The following BCCIP variants were observed in gnomAD, a reference collection of about 807,000 sequenced individuals.
BCCIP encodes the protein BRCA2 and CDKN1A interacting protein, also known as BRCA2 and CDKN1A-interacting protein.
BCCIP carries 23 observed loss-of-function variants against 32.8 expected under a neutral mutation model. That is an observed-to-expected ratio of 0.70 (90% confidence interval 0.51 to 0.99). The LOEUF (loss-of-function observed/expected upper bound fraction) is 0.99, where lower values mean the gene tolerates loss of function less well. Ranked by LOEUF, BCCIP falls within the 50% of genes least tolerant of loss-of-function variation. The pLI is 0.00. For missense variants in BCCIP, 378 were observed against 379.8 expected (o/e 1.00, Z 0.04); for synonymous variants, 144 against 137.6 (o/e 1.05, Z -0.33).
chr10:125,850,693 G>A (rs1212360263), intron 7 of BCCIP, among the ~76,000 whole-genome samples: 1 of 152,140 alleles, frequency 6.6e-6, no homozygotes, highest in Non-Finnish European at 1.5e-5. Flanking sequence ...GTTTTCATGA[G>A]GCGTTGCCTT....
intron 6 of BCCIP, 93 bp from the exon 7 acceptor site, chr10:125,836,011 A>G: frequency 8.7e-7 from 1 of 1,149,314 alleles, no homozygotes; most frequent in Middle Eastern, 2.1e-4. Flanking sequence ...TTATTTAAGC[A>G]TATGCCAAAC....
In BCCIP at chr10:125,851,920, CAA is replaced by C. The variant is rs56380138; in HGVS notation, c.851-1185_851-1184del. Among the ~76,000 whole-genome samples, 633 of 86,742 alleles carry C rather than the reference CAA, an allele frequency of 7.3e-3. 5 individuals are homozygous for C. The highest frequency in any genetic ancestry group is 0.018 in the African/African-American group (411 of 22,316). 56.9% of individuals were successfully genotyped at this position (86,742 alleles called of 152,430 possible). ...TGAGCAACAGAGCAAGACCCTGTCT[CAA>C]AAAAAAAAAAAAAAAAAAAGAAAAG... On this transcript the variant is annotated intron_variant, in intron 7 of 7. Transcript: ENST00000368759.
downstream of BCCIP, among the ~76,000 whole-genome samples, chr10:125,843,170 T>C (rs1854928153): frequency 6.6e-6 from 1 of 152,094 alleles, no homozygotes; most frequent in African/African-American, 2.4e-5. Flanking sequence ...GCCACTAGGT[T>C]GGTTTTGTTT....
chr10:125,830,555 A>G lies in BCCIP; in HGVS notation c.322-7A>G, dbSNP rs1475689530. The G allele has an allele frequency of 6.4e-7, 1 of 1,574,102 alleles. No individual in the cohort carries two copies. Among genetic ancestry groups the G allele is most frequent in the South Asian group, 1.2e-5 (1 of 84,252 alleles). On this transcript the variant is annotated splice_polypyrimidine_tract_variant and splice_region_variant and intron_variant, in intron 3 of 6. Coordinates refer to ENST00000278100, the MANE Select transcript of BCCIP (RefSeq NM_078468.3). ...ATAACATTTAAATATTTTTTCTTTT[A>G]AAATAGCAAACGGATGTTTCAGAAG...
At chr10:125,828,597 A>G (rs546988118) in intron 3 of BCCIP, among the ~76,000 whole-genome samples, 1 of 152,330 alleles carries the variant, frequency 6.6e-6, no homozygotes, top group African/African-American at 2.4e-5. Flanking sequence ...TTTATCAGAT[A>G]GATGTTGTAG....
In BCCIP at chr10:125,836,428, C is replaced by A; in HGVS notation, c.*154C>A. 2 of 1,441,112 alleles carry A rather than the reference C, an allele frequency of 1.4e-6. No homozygotes were observed. The highest frequency in any genetic ancestry group is 5.1e-5 in the East Asian group (2 of 39,354). 89.3% of individuals were successfully genotyped at this position (1,441,112 alleles called of 1,614,324 possible). A position where few individuals can be genotyped will look rare whatever the true frequency, so the allele number is the denominator to read the frequency against. ...TGTCTCTGACACATTTACAAAATAC[C>A]AGTTTTTTAAAATTTTGGTCAAATT... On this transcript the variant is annotated 3_prime_UTR_variant, in exon 7 of 7. Transcript: ENST00000278100.
At chr10:125,834,526 G>C (rs1589697283) in intron 6 of BCCIP, among the ~76,000 whole-genome samples, 1 of 152,250 alleles carries the variant, frequency 6.6e-6, no homozygotes, top group East Asian at 1.9e-4. Flanking sequence ...AAGTGGGCCA[G>C]GTGCGGTGGT....
chr10:125,839,242 A>G (rs1854798990), downstream of BCCIP: 3 of 1,579,654 alleles, frequency 1.9e-6, no homozygotes, highest in South Asian at 3.4e-5. Flanking sequence ...GAAGCTCTGA[A>G]GAGCCCAGGC....
chr10:125,833,844 G>C lies in BCCIP; in HGVS notation c.672G>C (p.Lys224Asn). The change falls in exon 6 of 7, where the codon AAG (lysine) becomes AAC (asparagine). Residue 224 changes from lysine (K) to asparagine (N), a missense_variant. Lys to Asn is a moderately conservative substitution (Grantham distance 94). Transcript: ENST00000278100. ...GCTACTTTTACCTTCTGATTAGTAA[G>C]ACATTTGTGGAAGCAGGAAAAAACA... The part of the protein sequence containing the change: ...GKCYFYLLIS[K>N]TFVEAGKNNS... 2 of 1,614,184 alleles carry C rather than the reference G, an allele frequency of 1.2e-6. No individual in the cohort carries two copies. The highest frequency in any genetic ancestry group is 8.5e-7 in the Non-Finnish European group (1 of 1,180,028).
downstream of BCCIP, among the ~76,000 whole-genome samples, chr10:125,843,484 C>T (rs1335238387): frequency 2.6e-5 from 4 of 152,028 alleles, no homozygotes; most frequent in African/African-American, 4.8e-5. Context: ...TGGTGGCAGG[C>T]GCCTGTGGTC....
intron 3 of BCCIP, among the ~76,000 whole-genome samples, chr10:125,828,302 C>T (rs1277699040): frequency 6.6e-6 from 1 of 152,042 alleles, no homozygotes; most frequent in Non-Finnish European, 1.5e-5. Flanking sequence ...TGGATTTGTA[C>T]ATTTTGAGTT....
chr10:125,852,365 T>C, intron 7 of BCCIP: 1 of 1,614,200 alleles, frequency 6.2e-7, no homozygotes, highest in Non-Finnish European at 8.5e-7. Flanking sequence ...ACCATGCTTG[T>C]TAGGTTGGCT....
At chr10:125,842,866 A>G (rs879330672), downstream of BCCIP, 18 of 743,392 alleles carry the variant, frequency 2.4e-5, no homozygotes, top group Non-Finnish European at 2.6e-5. Context: ...ATGTGGTATT[A>G]TATATGCTCA....
intron 5 of BCCIP, among the ~76,000 whole-genome samples, chr10:125,832,836 C>T (rs1854556157): frequency 6.7e-6 from 1 of 148,988 alleles, no homozygotes; most frequent in African/African-American, 2.5e-5. Flanking sequence ...TTGAAAAGGC[C>T]AGGTGTGGTG....
chr10:125,852,502 C>T, intron 7 of BCCIP: 1 of 1,613,030 alleles, frequency 6.2e-7, no homozygotes, highest in Non-Finnish European at 8.5e-7. Context: ...TGCCTGCATA[C>T]AAGAATTGAC....
At chr10:125,832,683 A>T (rs1854550211) in intron 5 of BCCIP, among the ~76,000 whole-genome samples, 1 of 151,842 alleles carries the variant, frequency 6.6e-6, no homozygotes, top group Non-Finnish European at 1.5e-5. Flanking sequence ...AGTCGCAGCT[A>T]CTCAGGAGGC....
intron 7 of BCCIP, among the ~76,000 whole-genome samples, chr10:125,851,202 A>G (rs1944085124): frequency 6.6e-6 from 1 of 152,226 alleles, no homozygotes. Flanking sequence ...AGCAGCTGCG[A>G]GCATCTTTTT....
At chr10:125,841,664 T>C in exon 7 of BCCIP, 5 of 1,541,214 alleles carry the variant, frequency 3.2e-6, no homozygotes, top group Non-Finnish European at 4.3e-6. Flanking sequence ...CCTCAAAATA[T>C]AATTTCAAAT....
At position 125,830,621 on chromosome 10, in the gene BCCIP, C is replaced by T. The variant is rs1854499827; in HGVS notation, c.381C>T (p.Phe127=). The T allele has an allele frequency of 1.9e-6, 3 of 1,608,108 alleles. No homozygotes were observed. Among genetic ancestry groups the T allele is most frequent in the East Asian group, 2.2e-5 (1 of 44,772 alleles). The change falls in exon 4 of 7, where the codon TTC becomes TTT. Residue 127 remains phenylalanine (F), a synonymous_variant. Coordinates refer to ENST00000278100, the MANE Select transcript of BCCIP (RefSeq NM_078468.3). ...TGGATGAAGATGAGGTTTTTGGTTT[C>T]ATAAGCCTTTTAAATTTAACTGAAA... The part of the protein sequence containing the change: ...DDMDEDEVFG[F]ISLLNLTERK...
Sources: gnomAD v4.1 joint callset for allele counts (sites outside exome capture counted in the v4.1 genomes callset) on GRCh38, gnomAD v4.1.1 for gene constraint, MANE v1.5 for transcripts, NCBI Gene and HGNC (gene_info 2026-07-23, HGNC 2026-07-21) for gene names.